Variants in DLGAP2 observed in about 807,000 individuals in gnomAD.
DLGAP2 encodes the protein disks large-associated protein 2.
A neutral mutation model predicts 100.3 loss-of-function variants in DLGAP2; 26 were observed. The ratio of observed to expected loss-of-function variants is 0.26; its 90% CI spans 0.19 to 0.36. The LOEUF is 0.36. Among genes scored for constraint, DLGAP2 ranks in the 10% least tolerant of loss-of-function variants. The pLI, the probability that DLGAP2 is intolerant of heterozygous loss-of-function variation, is 1.00. For synonymous variants in DLGAP2, 886 were observed against 630.1 expected, an observed-to-expected ratio of 1.41 and a Z score of -6.08; for missense variants, 1,858 against 1,453.2, an observed-to-expected ratio of 1.28 and a Z score of -4.53.
At chr8:1,182,243 C>T (rs897666080) in intron 2 of DLGAP2, among the ~76,000 whole-genome samples, 16 of 152,222 alleles carry the variant, frequency 1.1e-4, no homozygotes, top group East Asian at 3.8e-4. Context: ...GGCTTGGGGG[C>T]GACTGCCATG....
In DLGAP2 at chr8:1,214,312, G is replaced by A. The variant is rs183786968; in HGVS notation, c.74-44539G>A. ...TCCAGGACAAAAGCTCACTACCTGC[G>A]GCCCCGCCACTCAGGTGATCGTTTT... is the stretch of plus-strand genomic sequence containing the variant. On this transcript the variant is annotated intron_variant, in intron 2 of 14. Coordinates refer to ENST00000637795, the MANE Select transcript of DLGAP2 (RefSeq NM_001346810.2). 3.8e-3 allele frequency among the ~76,000 whole-genome samples: 575 copies of A among 152,274 alleles called. 4 individuals are homozygous for A. The highest frequency in any genetic ancestry group is 0.013 in the African/African-American group (531 of 41,552).
intron 1 of DLGAP2, among the ~76,000 whole-genome samples, chr8:844,372 C>T (rs1797035646): frequency 6.6e-6 from 1 of 152,338 alleles, no homozygotes; most frequent in African/African-American, 2.4e-5. Context: ...CAGCCTTCTG[C>T]TCAGCAGCCA....
intron 1 of DLGAP2, among the ~76,000 whole-genome samples, chr8:806,753 G>A (rs550327816): frequency 6.6e-6 from 1 of 152,342 alleles, no homozygotes; most frequent in African/African-American, 2.4e-5. Flanking sequence ...GAGTGACACA[G>A]CAGACTCTCC....
chr8:1,261,232 G>T lies in DLGAP2; in HGVS notation c.106+2349G>T, dbSNP rs544172070. ...TAAAACGAGACAGACTGGAAGGGCA[G>T]GTCGGCTTCCAGATATTTAAAACAA... On this transcript the variant is annotated intron_variant, in intron 3 of 14. Transcript: ENST00000637795. 7.9e-5 allele frequency among the ~76,000 whole-genome samples: 12 copies of T among 151,168 alleles called. No individual in the cohort carries two copies. The South Asian group carries it at 1.9e-3, about 24-fold the overall frequency.
chr8:1,207,289 C>T (rs112960637), intron 2 of DLGAP2, among the ~76,000 whole-genome samples: 1 of 152,158 alleles, frequency 6.6e-6, no homozygotes, highest in Non-Finnish European at 1.5e-5. Context: ...CCGTTGCATC[C>T]ACATAGCTTA....
intron 2 of DLGAP2, among the ~76,000 whole-genome samples, chr8:924,636 G>A (rs1016745819): frequency 1.1e-4 from 16 of 151,858 alleles, no homozygotes; most frequent in African/African-American, 3.9e-4. Flanking sequence ...AGGCTGGAGT[G>A]CAATGGCGCG....
chr8:1,150,485 A>G (rs1168645533), intron 2 of DLGAP2, among the ~76,000 whole-genome samples: 4 of 152,220 alleles, frequency 2.6e-5, no homozygotes, highest in Non-Finnish European at 5.9e-5. Context: ...AGAATCTTCT[A>G]TCTGGGAATG....
chr8:1,064,918 G>A (rs1015181377), intron 2 of DLGAP2, among the ~76,000 whole-genome samples: 1 of 152,162 alleles, frequency 6.6e-6, no homozygotes, highest in Non-Finnish European at 1.5e-5. Flanking sequence ...TGAAGGGTGG[G>A]TGCATGGAAG....
chr8:765,950 C>G (rs995431953), intron 1 of DLGAP2, among the ~76,000 whole-genome samples: 2 of 152,198 alleles, frequency 1.3e-5, no homozygotes, highest in Admixed American at 1.3e-4. Context: ...AGACACATCA[C>G]AAGGTCGGGA....
chr8:975,195 G>A (rs1367399678), intron 2 of DLGAP2, among the ~76,000 whole-genome samples: 1 of 152,048 alleles, frequency 6.6e-6, no homozygotes, highest in Non-Finnish European at 1.5e-5. Flanking sequence ...CACACAAGAA[G>A]GAATAGACAA....
intron 2 of DLGAP2, among the ~76,000 whole-genome samples, chr8:1,148,598 G>A (rs549414009): frequency 1.8e-4 from 28 of 151,910 alleles, no homozygotes; most frequent in African/African-American, 2.2e-4. Context: ...GCTGCCTCTC[G>A]AGTATTAACA....
At chr8:1,441,113 C>T (rs1240437653) in intron 3 of DLGAP2, among the ~76,000 whole-genome samples, 4 of 152,066 alleles carry the variant, frequency 2.6e-5, no homozygotes, top group African/African-American at 4.8e-5. Flanking sequence ...TAAAAAGCTC[C>T]AAGAAATGCA....
At chr8:1,641,973 GCCGGTCC>G (rs1563275443) in intron 8 of DLGAP2, among the ~76,000 whole-genome samples, 14 of 70,372 alleles carry the variant, frequency 2.0e-4, no homozygotes, top group African/African-American at 8.7e-4. Context: ...CCTCGACCCC[GCCGGTCC>G]CCACCTGTGT....
chr8:918,038 T>A (rs1423306992), intron 2 of DLGAP2, among the ~76,000 whole-genome samples: 2 of 152,190 alleles, frequency 1.3e-5, no homozygotes, highest in African/African-American at 4.8e-5. Context: ...CTGTGGATGA[T>A]GTGAGCAGCT....
At chr8:897,953 C>A (rs1451239702) in intron 1 of DLGAP2, among the ~76,000 whole-genome samples, 1 of 152,142 alleles carries the variant, frequency 6.6e-6, no homozygotes, top group Non-Finnish European at 1.5e-5. Flanking sequence ...GTCTCAGTGC[C>A]TGTGGTGACC....
intron 2 of DLGAP2, among the ~76,000 whole-genome samples, chr8:1,148,842 G>A (rs1168539290): frequency 6.6e-6 from 1 of 152,052 alleles, no homozygotes; most frequent in Non-Finnish European, 1.5e-5. Flanking sequence ...TTAGGTTCCT[G>A]CATATGGCCA....
intron 14 of DLGAP2, among the ~76,000 whole-genome samples, chr8:1,700,946 C>T (rs1004399158): frequency 6.6e-6 from 1 of 152,244 alleles, no homozygotes; most frequent in Admixed American, 6.5e-5. Context: ...GTCCACGCTG[C>T]CCCTGACGCC....
chr8:908,114 G>A (rs930674396), intron 2 of DLGAP2, 148 bp downstream of exon 2: 3 of 393,072 alleles, frequency 7.6e-6, no homozygotes, highest in Middle Eastern at 6.4e-4. Context: ...CTAACTGTAA[G>A]ACCTGAAAGT....
chr8:1,227,890 T>C (rs1194905703), intron 2 of DLGAP2, among the ~76,000 whole-genome samples: 1 of 152,228 alleles, frequency 6.6e-6, no homozygotes, highest in African/African-American at 2.4e-5. Flanking sequence ...GCTAAATTAG[T>C]ACGTCTTAGC....
Sources: allele counts gnomAD v4.1 joint callset (sites outside exome capture counted in the v4.1 genomes callset), GRCh38; gene constraint gnomAD v4.1.1; transcripts MANE v1.5; gene names NCBI Gene and HGNC (gene_info 2026-07-23, HGNC 2026-07-21).